The following ADGRL3 variants were observed in gnomAD, a reference collection of about 807,000 sequenced individuals.
ADGRL3 encodes the protein calcium-independent alpha-latrotoxin receptor 3.
ADGRL3 carries 62 observed loss-of-function variants against 153.5 expected under a neutral mutation model. That is an observed-to-expected ratio of 0.40 (90% CI 0.33 to 0.50). ADGRL3 has a LOEUF of 0.50. ADGRL3 is among the 20% of genes least tolerant of loss of function. The pLI is 0.47. For missense variants in ADGRL3, 1,641 were observed against 1,859.4 expected (o/e 0.88, Z 2.16); for synonymous variants, 710 against 672.5 (o/e 1.06, Z -0.86).
At chr4:61,837,860 A>G (rs1344476708) in intron 9 of ADGRL3, among the ~76,000 whole-genome samples, 1 of 152,042 alleles carries the variant, frequency 6.6e-6, no homozygotes, top group Non-Finnish European at 1.5e-5. Context: ...AACAGACCTT[A>G]TTTCCTAGGG....
chr4:61,813,663 T>C, intron 8 of ADGRL3, 146 bp from the exon 9 acceptor site: 1 of 786,838 alleles, frequency 1.3e-6, no homozygotes, highest in Non-Finnish European at 1.9e-6. Flanking sequence ...TGACACATTG[T>C]TTTTATGTTT....
At chr4:61,225,381 C>A (rs982551453) in intron 1 of ADGRL3, among the ~76,000 whole-genome samples, 4 of 152,138 alleles carry the variant, frequency 2.6e-5, no homozygotes, top group African/African-American at 9.7e-5. Flanking sequence ...TAGAAACATT[C>A]AGTTTTATAT....
At chr4:61,487,919 T>C (rs906255224) in intron 2 of ADGRL3, among the ~76,000 whole-genome samples, 1 of 152,032 alleles carries the variant, frequency 6.6e-6, no homozygotes, top group South Asian at 2.1e-4. Flanking sequence ...TTTACACCTT[T>C]AGTTTAAAAC....
rs1745575863 is a variant in ADGRL3 at position 62,071,254 on chromosome 4, A to G, written c.*346A>G. On this transcript the variant is annotated 3_prime_UTR_variant, in exon 27 of 27. Coordinates refer to ENST00000683033, the MANE Select transcript of ADGRL3 (RefSeq NM_001387552.1). ...ACATCTCTGATGCTGTGTTACTAAA[A>G]TTACAAGGACCTGCTTTTTAAAAGG... is the stretch of plus-strand genomic sequence containing the variant. 1 of 192,078 alleles carries G rather than the reference A, an allele frequency of 5.2e-6. No individual in the cohort carries two copies. Among genetic ancestry groups the G allele is most frequent in the Non-Finnish European group, 1.1e-5 (1 of 91,966 alleles). 11.9% of individuals were successfully genotyped at this position (192,078 alleles called of 1,614,324 possible). A position where few individuals can be genotyped will look rare whatever the true frequency, so the allele number is the denominator to read the frequency against.
intron 9 of ADGRL3, among the ~76,000 whole-genome samples, chr4:61,817,684 G>A (rs58739264): frequency 0.053 from 8,145 of 152,252 alleles, 369 homozygotes; most frequent in African/African-American, 0.12. Flanking sequence ...AAGAAAGGAG[G>A]TTTAATGGAC....
At chr4:61,955,691 C>G (rs190347222) in intron 17 of ADGRL3, among the ~76,000 whole-genome samples, 2 of 152,142 alleles carry the variant, frequency 1.3e-5, no homozygotes, top group Admixed American at 1.3e-4. Flanking sequence ...CCCTCACCCC[C>G]CAATCCCACA....
chr4:61,728,251 C>G (rs905485979), intron 6 of ADGRL3, among the ~76,000 whole-genome samples: 2 of 152,022 alleles, frequency 1.3e-5, no homozygotes, highest in African/African-American at 4.8e-5. Flanking sequence ...CAAAGCACAA[C>G]AGCCTAATAA....
In ADGRL3 at chr4:61,432,568, C is replaced by CTTTCTTTCTTTCTTTCTTTCTTTT. The variant is rs778720002; in HGVS notation, c.-174+49380_-174+49381insTTCTTTCTTTCTTTCTTTCTTTTT. 5.9e-3 allele frequency among the ~76,000 whole-genome samples: 225 copies of CTTTCTTTCTTTCTTTCTTTCTTTT among 38,380 alleles called. 17 individuals are homozygous for CTTTCTTTCTTTCTTTCTTTCTTTT. Among genetic ancestry groups the CTTTCTTTCTTTCTTTCTTTCTTTT allele is most frequent in the Middle Eastern group, 0.014 (1 of 70 alleles). The allele number at this position is 38,380 out of a possible 152,430, so 25.2% of individuals were successfully genotyped here. On this transcript the variant is annotated intron_variant, in intron 2 of 26. Coordinates refer to ENST00000683033, the MANE Select transcript of ADGRL3 (RefSeq NM_001387552.1). ...TAGCCTTTATAGATTTCTTTTCTTTCTCTTCCTTTCTTTCTTTCTTTCTTT... is the reference window on the plus strand; with the variant it reads ...TAGCCTTTATAGATTTCTTTTCTTTCTTTCTTTCTTTCTTTCTTTCTTTTTCTTCCTTTCTTTCTTTCTTTCTTT...
At chr4:61,236,618 A>C (rs1230302760) in intron 1 of ADGRL3, among the ~76,000 whole-genome samples, 1 of 152,164 alleles carries the variant, frequency 6.6e-6, no homozygotes, top group Admixed American at 6.6e-5. Flanking sequence ...AGTATGGATC[A>C]ATATGATGAT....
intron 11 of ADGRL3, 105 bp downstream of exon 11, chr4:61,895,939 T>C: frequency 3.4e-6 from 2 of 584,072 alleles, no homozygotes; most frequent in Non-Finnish European, 5.7e-6. Context: ...AAAATCAATG[T>C]AGAAAATTTC....
rs1472200675 is a variant in ADGRL3, at chr4:61,200,560, C to G, written c.-1445C>G. 6.6e-6 allele frequency among the ~76,000 whole-genome samples: 1 copy of G among 151,388 alleles called. No individual in the cohort carries two copies. Among genetic ancestry groups the G allele is most frequent in the African/African-American group, 2.4e-5 (1 of 41,176 alleles). ...TTTTTCTCGGACTGCTCGTTGCCTCCGCTCCGGCAGCTGCTGCCGCCGCCA... is the reference window on the plus strand; with the variant it reads ...TTTTTCTCGGACTGCTCGTTGCCTCGGCTCCGGCAGCTGCTGCCGCCGCCA... On this transcript the variant is annotated 5_prime_UTR_variant, in exon 1 of 27. Coordinates refer to ENST00000683033, the MANE Select transcript of ADGRL3 (RefSeq NM_001387552.1).
At chr4:61,286,893 A>G (rs1010597606) in intron 1 of ADGRL3, among the ~76,000 whole-genome samples, 2 of 151,624 alleles carry the variant, frequency 1.3e-5, no homozygotes, top group Non-Finnish European at 2.9e-5. Context: ...TTGTATATAC[A>G]TTTTCTCTTT....
chr4:61,336,081 A>C (rs1415595263), intron 1 of ADGRL3, among the ~76,000 whole-genome samples: 1 of 152,314 alleles, frequency 6.6e-6, no homozygotes, highest in African/African-American at 2.4e-5. Context: ...CAAATACTAT[A>C]TTAGGTATAT....
chr4:62,068,174 A>G lies in ADGRL3; in HGVS notation c.3823A>G (p.Arg1275Gly). The G allele has an allele frequency of 6.3e-7, 1 of 1,580,742 alleles. No homozygotes were observed. Among genetic ancestry groups the G allele is most frequent in the South Asian group, 1.1e-5 (1 of 87,804 alleles). The change falls in exon 26 of 27, where the codon AGA becomes GGA. Residue 1275 changes from arginine (R) to glycine (G), a missense_variant. By Grantham distance (125) the Arg-to-Gly change is moderately radical. Transcript: ENST00000683033. Reference protein sequence around the residue: ...SSASLNREPYRETKGLLNNAR... With the variant: ...SSASLNREPYGETKGLLNNAR... ...TTCATGCTGTCGTTTAGAGCCCTAC[A>G]GAGAGACAAGTATGGGAGTAAAGCT... is the stretch of plus-strand genomic sequence containing the variant.
chr4:61,382,828 A>C (rs536898618), intron 1 of ADGRL3, among the ~76,000 whole-genome samples: 9 of 151,904 alleles, frequency 5.9e-5, no homozygotes, highest in Non-Finnish European at 1.0e-4. Context: ...GAAATAGCAA[A>C]ATTTATATTA....
At chr4:61,844,584 A>AT (rs2098090525) in intron 9 of ADGRL3, among the ~76,000 whole-genome samples, 2 of 116,368 alleles carry the variant, frequency 1.7e-5, no homozygotes, top group Non-Finnish European at 3.5e-5. Context: ...AAATATATAT[A>AT]TATATATATA....
intron 5 of ADGRL3, among the ~76,000 whole-genome samples, chr4:61,596,341 C>G (rs1461946144): frequency 6.6e-6 from 1 of 152,124 alleles, no homozygotes; most frequent in Admixed American, 6.5e-5. Context: ...TGTATAATTT[C>G]TAATGTTATA....
intron 21 of ADGRL3, among the ~76,000 whole-genome samples, chr4:62,001,708 A>T (rs1158237542): frequency 1.3e-5 from 2 of 152,166 alleles, no homozygotes; most frequent in East Asian, 3.9e-4. Context: ...ATGTATTCAA[A>T]ATGGTATAGT....
At chr4:61,216,273 A>G (rs535540841) in intron 1 of ADGRL3, among the ~76,000 whole-genome samples, 1 of 152,228 alleles carries the variant, frequency 6.6e-6, no homozygotes, top group South Asian at 2.1e-4. Flanking sequence ...AAGGAGTCTG[A>G]TATATTTTTA....
Sources: allele counts gnomAD v4.1 joint callset (sites outside exome capture counted in the v4.1 genomes callset), GRCh38; gene constraint gnomAD v4.1.1; transcripts MANE v1.5; gene names NCBI Gene and HGNC (gene_info 2026-07-23, HGNC 2026-07-21).